Variants in NOTUM observed in about 807,000 individuals in gnomAD.
The protein encoded by NOTUM is palmitoleoyl-protein carboxylesterase NOTUM.
NOTUM carries 36 observed loss-of-function variants against 65.5 expected under a neutral mutation model. The ratio of observed to expected loss-of-function variants is 0.55; its 90% CI spans 0.42 to 0.73. The LOEUF (loss-of-function observed/expected upper bound fraction) is 0.73, where lower values mean the gene tolerates loss of function less well. Ranked by LOEUF, NOTUM falls within the 30% of genes least tolerant of loss-of-function variation. The pLI is 0.00. For missense variants in NOTUM, 659 were observed against 694.2 expected, an observed-to-expected ratio of 0.95 and a Z score of 0.57; for synonymous variants, 356 against 297.9, an observed-to-expected ratio of 1.20 and a Z score of -2.01.
intron 6 of NOTUM, 126 bp downstream of exon 6, chr17:81,957,680 A>G: frequency 1.5e-6 from 1 of 674,114 alleles, no homozygotes. Context: ...CCTCCTAGCC[A>G]CCTGCCAAGA....
chr17:81,956,504 C>T (rs1032773173), intron 8 of NOTUM, 146 bp downstream of exon 8: 1 of 626,270 alleles, frequency 1.6e-6, no homozygotes, highest in Admixed American at 2.7e-5. Flanking sequence ...CGGCCTCCTC[C>T]CTGGTACACA....
At position 81,952,891 on chromosome 17, in the gene NOTUM, G is replaced by T. The variant is rs893622943; in HGVS notation, c.*70C>A. 2 of 1,368,456 alleles carry T rather than the reference G, an allele frequency of 1.5e-6. No homozygotes were observed. The highest frequency in any genetic ancestry group is 1.8e-4 in the Middle Eastern group (1 of 5,460). The allele number at this position is 1,368,456 out of a possible 1,614,324, so 84.8% of individuals were successfully genotyped here. A position where few individuals can be genotyped will look rare whatever the true frequency, so the allele number is the denominator to read the frequency against. ...AAGAGACGGGAGGGCCTGCTGGTGG[G>T]GGGTGAGGTGGCACTGGGGCAGCGG... On this transcript the variant is annotated 3_prime_UTR_variant, in exon 11 of 11. Coordinates refer to ENST00000409678, the MANE Select transcript of NOTUM (RefSeq NM_178493.6).
At chr17:81,956,215 G>A (rs1385585972) in intron 8 of NOTUM, among the ~76,000 whole-genome samples, 1 of 152,202 alleles carries the variant, frequency 6.6e-6, no homozygotes, top group African/African-American at 2.4e-5. Flanking sequence ...TAAATATGGT[G>A]ATGATGCCCT....
chr17:81,958,834 C>T, intron 4 of NOTUM, 101 bp downstream of exon 4: 2 of 889,008 alleles, frequency 2.2e-6, no homozygotes, highest in African/African-American at 1.6e-5. Flanking sequence ...AACAGGACCC[C>T]CAGGAAAGAC....
chr17:81,960,637 C>T lies in NOTUM; in HGVS notation c.273G>A (p.Leu91=), dbSNP rs773476965. Residue 91 remains leucine, a synonymous_variant, in exon 1 of 11, where the codon CTG becomes CTA. Transcript: ENST00000409678. This position sits in a 1 kb window ranked among gnomAD's most constrained non-coding sequence, Gnocchi z 6.4. ...TCACCGAGGTGTTGAGTAGGAGGTG[C>T]AGGCGCAGGTCCTCGTTGAGCTGCT... ...SAQQLNEDLR[L]HLLLNTSVTC... The T allele has an allele frequency of 9.0e-6, 14 of 1,555,326 alleles. 1 individual carries two copies. In the Middle Eastern group the frequency reaches 5.0e-4, roughly 56 times the overall value.
chr17:81,955,273 G>T, intron 9 of NOTUM, 124 bp downstream of exon 9: 1 of 862,616 alleles, frequency 1.2e-6, no homozygotes, highest in Non-Finnish European at 1.7e-6. Flanking sequence ...GAGTCACTGC[G>T]CCCGGCCTAC....
At chr17:81,959,303 A>C (rs1389246419) in intron 3 of NOTUM, 168 bp downstream of exon 3, 2 of 624,312 alleles carry the variant, frequency 3.2e-6, no homozygotes, top group Non-Finnish European at 2.8e-6. Flanking sequence ...GCTAATGTGG[A>C]ATGGGCCCCA....
At chr17:81,957,948 C>T (rs764910353) in intron 5 of NOTUM, 40 bp from the exon 6 acceptor site, 1 of 1,399,016 alleles carries the variant, frequency 7.1e-7, no homozygotes, top group African/African-American at 1.4e-5. Context: ...GGGGCCTGGA[C>T]AGAGAGAACC....
rs192867542 is a variant in NOTUM at position 81,956,715 on chromosome 17, C to T, written c.923G>A (p.Arg308His). 29 of 1,612,912 alleles carry T rather than the reference C, an allele frequency of 1.8e-5. 1 individual carries two copies. The Middle Eastern group carries it at 2.3e-3, about 128-fold the overall frequency. Residue 308 changes from arginine to histidine, a missense_variant, in exon 8 of 11, where the codon CGC becomes CAC. Arg to His is a conservative substitution (Grantham distance 29). Coordinates refer to ENST00000409678, the MANE Select transcript of NOTUM (RefSeq NM_178493.6). ...CCACTCCTCGCCCTCCTGGAACTGG[C>T]GTCGGCAGCGCTCCGGGACCACCCC... ...WNGVVPERCR[R>H]QFQEGEEWNC...
In NOTUM at chr17:81,952,939, GCTC is replaced by G. The variant is rs2041398294; in HGVS notation, c.*19_*21del. 1 of 1,607,734 alleles carries G rather than the reference GCTC, an allele frequency of 6.2e-7. No individual in the cohort carries two copies. ...CGGGTGTCTGGGCCCCTCAGTGCCG[GCTC>G]CTCCTCCAGACAGTCTGCCTAGCTT... On this transcript the variant is annotated 3_prime_UTR_variant, in exon 11 of 11. Transcript: ENST00000409678.
chr17:81,957,865 C>T lies in NOTUM; in HGVS notation c.636G>A (p.Val212=). 2 of 1,609,472 alleles carry T rather than the reference C, an allele frequency of 1.2e-6. No homozygotes were observed. Among genetic ancestry groups the T allele is most frequent in the Non-Finnish European group, 1.7e-6 (2 of 1,178,472 alleles). ...TCAGCCCTCTGCCCAGAAGCTCCCG[C>T]ACCACCTCCTGGATGATGAGGGCGC... ...FMGALIIQEV[V]RELLGRGLSG... is the part of the protein sequence containing the mutation. The change falls in exon 6 of 11, where the codon GTG becomes GTA. Residue 212 remains valine (V), a synonymous_variant. Transcript: ENST00000409678.
chr17:81,956,611 C>T lies in NOTUM; in HGVS notation c.988+39G>A, dbSNP rs758505308. 24 of 1,384,924 alleles carry T rather than the reference C, an allele frequency of 1.7e-5. No homozygotes were observed. The South Asian group carries it at 2.6e-4, about 15-fold the overall frequency. 85.8% of individuals were successfully genotyped at this position (1,384,924 alleles called of 1,614,324 possible). ...TTCAGAAGCAAGGAAGTGTGGCCAC[C>T]CCTGCTGCCCTGTGTGCTCCGCTCT... On this transcript the variant is annotated intron_variant, in intron 8 of 10. Coordinates refer to ENST00000409678, the MANE Select transcript of NOTUM (RefSeq NM_178493.6).
rs369473639 is a variant in NOTUM at position 81,960,578 on chromosome 17, G to C, written c.323+9C>G. ...GGCGGGGCGGGGAGGTGCAGGGCGCGGGCCTTACCCGGCGGGGCTGCCGTC... is the reference window on the plus strand; with the variant it reads ...GGCGGGGCGGGGAGGTGCAGGGCGCCGGCCTTACCCGGCGGGGCTGCCGTC... On this transcript the variant is annotated intron_variant, in intron 1 of 10. Transcript: ENST00000409678. The surrounding 1 kb of genome is among the most constrained non-coding windows in gnomAD (Gnocchi z 6.4). 156 of 1,482,754 alleles carry C rather than the reference G, an allele frequency of 1.1e-4. No homozygotes were observed. The African/African-American group carries it at 2.0e-3, about 19-fold the overall frequency. 91.8% of individuals were successfully genotyped at this position (1,482,754 alleles called of 1,614,324 possible). A position where few individuals can be genotyped will look rare whatever the true frequency, so the allele number is the denominator to read the frequency against.
Position 81,952,574 on chromosome 17 carries a change from T to C in NOTUM, c.*387A>G, listed in dbSNP as rs1227951163. 5.7e-5 allele frequency: 11 copies of C among 194,546 alleles called. No homozygotes were observed. The allele number at this position is 194,546 out of a possible 1,614,324, so 12.1% of individuals were successfully genotyped here. ...ACAAAACAATATCATTCATCATATA[T>C]TCTTATTTTCCTTTTTTTAAAAAAT... On this transcript the variant is annotated 3_prime_UTR_variant, in exon 11 of 11. Transcript: ENST00000409678.
At chr17:81,957,217 T>TC (rs1201766829) in intron 6 of NOTUM, 143 bp from the exon 7 acceptor site, 9 of 699,506 alleles carry the variant, frequency 1.3e-5, no homozygotes, top group Non-Finnish European at 1.9e-5. Context: ...CATTCTCTGT[T>TC]CACGTGCAAG....
At position 81,960,937 on chromosome 17, in the gene NOTUM, G is replaced by A. The variant is rs2041472018; in HGVS notation, c.-28C>T. ...CCGCGTCCACCTGCGGGGAGCGGGC[G>A]GCCTTGAGGCGGCGGCGGCGGCGGC... On this transcript the variant is annotated 5_prime_UTR_variant, in exon 1 of 11. Coordinates refer to ENST00000409678, the MANE Select transcript of NOTUM (RefSeq NM_178493.6). This position sits in a 1 kb window ranked among gnomAD's most constrained non-coding sequence, Gnocchi z 6.4. The A allele has an allele frequency of 8.3e-7, 1 of 1,201,390 alleles. No homozygotes were observed. Among genetic ancestry groups the A allele is most frequent in the Non-Finnish European group, 1.0e-6 (1 of 966,770 alleles). 74.4% of individuals were successfully genotyped at this position (1,201,390 alleles called of 1,614,324 possible).
Position 81,958,386 on chromosome 17 carries a change from G to C in NOTUM, c.541C>G (p.Pro181Ala). The change falls in exon 5 of 11, where the codon CCC becomes GCC. Residue 181 changes from proline to alanine, a missense_variant. By Grantham distance (27) the Pro-to-Ala change is conservative. Transcript: ENST00000409678. ...CTCCAAACATCACTGGAGCAGTAGG[G>C]GATGAAGCTGCAACACAGAACAGAG... The part of the protein sequence containing the change: ...YWWNANMVFI[P>A]YCSSDVWSGA... 1 of 1,609,008 alleles carries C rather than the reference G, an allele frequency of 6.2e-7. No homozygotes were observed. The highest frequency in any genetic ancestry group is 8.5e-7 in the Non-Finnish European group (1 of 1,177,108).
intron 10 of NOTUM, 78 bp from the exon 11 acceptor site, chr17:81,953,345 A>G: frequency 3.3e-6 from 3 of 912,984 alleles, no homozygotes; most frequent in Non-Finnish European, 5.0e-6. Flanking sequence ...TTTTTTTGAG[A>G]CCAGCCATGG....
rs1385193157 is a variant in NOTUM at position 81,960,708 on chromosome 17, C to T, written c.202G>A (p.Ala68Thr). The T allele has an allele frequency of 3.1e-6, 5 of 1,604,290 alleles. No homozygotes were observed. In the South Asian group the frequency reaches 3.4e-5, roughly 11 times the overall value. ...AVEGNMDSFM[A>T]QVKSLAQSLY... ...GACTGCGCCAGGCTCTTGACTTGCG[C>T]CATGAAGCTGTCCATGTTACCCTCC... The change falls in exon 1 of 11, where the codon GCG becomes ACG. Residue 68 changes from alanine to threonine, a missense_variant. By Grantham distance (58) the Ala-to-Thr change is moderately conservative. Transcript: ENST00000409678. The surrounding 1 kb of genome is among the most constrained non-coding windows in gnomAD (Gnocchi z 6.4).
Sources: allele counts gnomAD v4.1 joint callset (sites outside exome capture counted in the v4.1 genomes callset), GRCh38; gene constraint gnomAD v4.1.1; non-coding constraint Gnocchi (gnomAD v3.1); transcripts MANE v1.5; gene names NCBI Gene and HGNC (gene_info 2026-07-23, HGNC 2026-07-21).